SLC8A1: variants seen among roughly 807,000 people sequenced by gnomAD.
SLC8A1 encodes solute carrier family 8 member A1.
In SLC8A1, 18 loss-of-function variants were observed where a neutral mutation model predicts 68.3. The ratio of observed to expected loss-of-function variants is 0.26; its 90% CI spans 0.18 to 0.39. SLC8A1 has a LOEUF of 0.39. Ranked by LOEUF, SLC8A1 falls within the 10% of genes least tolerant of loss-of-function variation. The pLI is 1.00. For synonymous variants in SLC8A1, 475 were observed against 415.5 expected, an observed-to-expected ratio of 1.14 and a Z score of -1.74; for missense variants, 985 against 1,156.7, an observed-to-expected ratio of 0.85 and a Z score of 2.15.
At chr2:40,477,044 TGGG>T in intron 1 of SLC8A1, among the ~76,000 whole-genome samples, 1 of 152,330 alleles carries the variant, frequency 6.6e-6, no homozygotes, top group South Asian at 2.1e-4. Context: ...TATTGTTTTG[TGGG>T]TGCATTTTTC....
intron 2 of SLC8A1, among the ~76,000 whole-genome samples, chr2:40,232,755 C>A (rs1466316377): frequency 8.8e-5 from 9 of 102,158 alleles, no homozygotes; most frequent in South Asian, 3.1e-4. Flanking sequence ...CCCCCCCCGC[C>A]ACCCCACAAC....
intron 2 of SLC8A1, among the ~76,000 whole-genome samples, chr2:40,187,507 A>G (rs1053168648): frequency 1.3e-5 from 2 of 152,222 alleles, no homozygotes; most frequent in South Asian, 2.1e-4. Context: ...AGGGAGCTTT[A>G]GAGAGTTCTG....
chr2:40,428,377 T>G, intron 2 of SLC8A1, 96 bp downstream of exon 2: 1 of 1,416,118 alleles, frequency 7.1e-7, no homozygotes, highest in Non-Finnish European at 9.2e-7. Flanking sequence ...GCATGCTATT[T>G]AATTTAAAAA....
chr2:40,175,298 C>G lies in SLC8A1; in HGVS notation c.1913-456G>C. The G allele has an allele frequency of 6.2e-7, 1 of 1,611,184 alleles. No homozygotes were observed. Among genetic ancestry groups the G allele is most frequent in the Non-Finnish European group, 8.5e-7 (1 of 1,177,960 alleles). Reference sequence around the variant, plus strand: ...ATAACAGGGCTGTGAAGGAAACAGACAAAGACAAACACAGAATAAGAGACC... The same window carrying G: ...ATAACAGGGCTGTGAAGGAAACAGAGAAAGACAAACACAGAATAAGAGACC... On this transcript the variant is annotated intron_variant, in intron 3 of 7. Transcript: ENST00000406785.
At chr2:40,139,017 A>G (rs2041061622) in intron 7 of SLC8A1, among the ~76,000 whole-genome samples, 1 of 152,220 alleles carries the variant, frequency 6.6e-6, no homozygotes. Context: ...AGAGATCATT[A>G]AAATGTACCA....
intron 1 of SLC8A1, among the ~76,000 whole-genome samples, chr2:40,441,409 C>G (rs376030588): frequency 6.8e-6 from 1 of 146,680 alleles, no homozygotes; most frequent in Non-Finnish European, 1.5e-5. Context: ...AAAAAAAAAA[C>G]TACTTTAAGT....
At chr2:40,400,407 A>C (rs574973119) in intron 2 of SLC8A1, among the ~76,000 whole-genome samples, 3 of 152,244 alleles carry the variant, frequency 2.0e-5, no homozygotes, top group Non-Finnish European at 4.4e-5. Context: ...AGACTGGGCT[A>C]TCTGAGAATT....
chr2:40,362,245 C>G (rs1449844046), intron 2 of SLC8A1, among the ~76,000 whole-genome samples: 1 of 151,024 alleles, frequency 6.6e-6, no homozygotes, highest in African/African-American at 2.4e-5. Flanking sequence ...AAATTGAAAG[C>G]CATTCTGTCT....
intron 1 of SLC8A1, among the ~76,000 whole-genome samples, chr2:40,503,126 G>C (rs1465527548): frequency 1.3e-5 from 2 of 151,980 alleles, no homozygotes; most frequent in Non-Finnish European, 2.9e-5. Flanking sequence ...CTGTAGGTAT[G>C]ATATACCTCA....
intron 2 of SLC8A1, among the ~76,000 whole-genome samples, chr2:40,341,080 G>A (rs752284609): frequency 2.6e-5 from 4 of 152,078 alleles, no homozygotes; most frequent in Non-Finnish European, 4.4e-5. Context: ...AGAGAAGAGG[G>A]GTTTTGTTTC....
intron 2 of SLC8A1, among the ~76,000 whole-genome samples, chr2:40,272,742 T>C (rs2066200285): frequency 6.6e-6 from 1 of 152,208 alleles, no homozygotes; most frequent in South Asian, 2.1e-4. Flanking sequence ...GTTCTTGCAA[T>C]TCTATGTTTT....
At chr2:40,127,605 A>G (rs1206708064) in intron 7 of SLC8A1, among the ~76,000 whole-genome samples, 1 of 152,156 alleles carries the variant, frequency 6.6e-6, no homozygotes, top group Non-Finnish European at 1.5e-5. Context: ...TGGTGGGCCT[A>G]TCTGTGGACC....
At chr2:40,422,148 A>T (rs1419004081) in intron 2 of SLC8A1, among the ~76,000 whole-genome samples, 1 of 152,038 alleles carries the variant, frequency 6.6e-6, no homozygotes, top group Non-Finnish European at 1.5e-5. Flanking sequence ...ACATTCAGCT[A>T]TCTTCTCACC....
intron 2 of SLC8A1, among the ~76,000 whole-genome samples, chr2:40,280,239 G>A (rs1297040780): frequency 1.3e-5 from 1 of 76,712 alleles, no homozygotes; most frequent in African/African-American, 6.4e-5. Flanking sequence ...TAAAACCTGA[G>A]GAAATAAACA....
chr2:40,453,771 A>C (rs2149885611), upstream of SLC8A1, among the ~76,000 whole-genome samples: 1 of 152,322 alleles, frequency 6.6e-6, no homozygotes, highest in South Asian at 2.1e-4. Context: ...ATTCTTTTTC[A>C]ATAGACCTGG....
At chr2:40,318,938 T>C (rs991203095) in intron 2 of SLC8A1, among the ~76,000 whole-genome samples, 3 of 152,100 alleles carry the variant, frequency 2.0e-5, no homozygotes, top group Non-Finnish European at 4.4e-5. Context: ...TTTCTGCAGA[T>C]GTTACTGTTA....
At chr2:40,173,192 A>G (rs17503184) in intron 4 of SLC8A1, among the ~76,000 whole-genome samples, 68,114 of 152,088 alleles carry the variant, frequency 0.45, 18,010 homozygotes, top group Non-Finnish European at 0.61. Flanking sequence ...CAAATCTCCC[A>G]GGGATAACTC....
intron 2 of SLC8A1, among the ~76,000 whole-genome samples, chr2:40,361,155 G>A (rs1383848032): frequency 6.6e-6 from 1 of 152,078 alleles, no homozygotes; most frequent in Non-Finnish European, 1.5e-5. Context: ...TGTTAACAGT[G>A]AATTCAAGAG....
chr2:40,493,085 G>C (rs1705429031), intron 1 of SLC8A1, among the ~76,000 whole-genome samples: 2 of 151,930 alleles, frequency 1.3e-5, no homozygotes. Context: ...GCAAAGACTT[G>C]GAACCAATCC....
Sources: allele counts gnomAD v4.1 joint callset (sites outside exome capture counted in the v4.1 genomes callset), GRCh38; gene constraint gnomAD v4.1.1; transcripts MANE v1.5; gene names NCBI Gene and HGNC (gene_info 2026-07-23, HGNC 2026-07-21).